FRAS1: variants seen among roughly 807,000 people sequenced by gnomAD.
The protein encoded by FRAS1 is extracellular matrix organizing protein FRAS1.
FRAS1 carries 290 observed loss-of-function variants against 435.2 expected under a neutral mutation model. The ratio of observed to expected loss-of-function variants is 0.67; its 90% confidence interval spans 0.61 to 0.73. The LOEUF (loss-of-function observed/expected upper bound fraction) is 0.73, where lower values mean the gene tolerates loss of function less well. Ranked by LOEUF, FRAS1 falls within the 30% of genes least tolerant of loss-of-function variation. FRAS1 has a pLI of 0.00. For synonymous variants in FRAS1, 1,800 were observed against 1,851.0 expected (o/e 0.97, Z 0.71); for missense variants, 4,860 against 5,001.5 (o/e 0.97, Z 0.85).
intron 70 of FRAS1, among the ~76,000 whole-genome samples, chr4:78,533,997 A>G (rs1238690534): frequency 6.6e-6 from 1 of 152,182 alleles, no homozygotes. Context: ...CTGGGGAGGT[A>G]GGCACACAGA....
intron 56 of FRAS1, 99 bp from the exon 57 acceptor site, chr4:78,481,705 A>G: frequency 7.4e-7 from 1 of 1,344,820 alleles, no homozygotes; most frequent in South Asian, 1.2e-5. Context: ...AAGGGCTAAA[A>G]GCTGCCACTA....
intron 2 of FRAS1, among the ~76,000 whole-genome samples, chr4:78,101,197 G>T (rs2109918930): frequency 6.6e-6 from 1 of 151,904 alleles, no homozygotes; most frequent in Non-Finnish European, 1.5e-5. Context: ...CAACAAGTGT[G>T]ATTCTGTATT....
intron 55 of FRAS1, 32 bp from the exon 56 acceptor site, chr4:78,479,342 A>G (rs374373761): frequency 2.8e-6 from 4 of 1,409,774 alleles, no homozygotes; most frequent in Non-Finnish European, 2.8e-6. Flanking sequence ...CACTCATTCA[A>G]ATGCTTTGGT....
intron 24 of FRAS1, among the ~76,000 whole-genome samples, chr4:78,373,221 T>C (rs1731583847): frequency 6.6e-6 from 1 of 152,038 alleles, no homozygotes; most frequent in Non-Finnish European, 1.5e-5. Context: ...ATTATTTCAC[T>C]ATCTGCCCCC....
chr4:78,144,645 A>G (rs972134705), intron 2 of FRAS1, among the ~76,000 whole-genome samples: 2 of 152,132 alleles, frequency 1.3e-5, no homozygotes, highest in Non-Finnish European at 2.9e-5. Context: ...CCAGATAACA[A>G]TTGTTATTGT....
intron 2 of FRAS1, among the ~76,000 whole-genome samples, chr4:78,124,024 G>A (rs935263575): frequency 1.3e-5 from 2 of 152,130 alleles, no homozygotes; most frequent in African/African-American, 2.4e-5. Flanking sequence ...TTGGATAGGC[G>A]TGAGACAGGG....
chr4:78,395,699 G>T (rs1447765494), intron 29 of FRAS1, among the ~76,000 whole-genome samples: 1 of 151,764 alleles, frequency 6.6e-6, no homozygotes, highest in African/African-American at 2.4e-5. Context: ...GTTTTTATTT[G>T]CATGGTATAT....
chr4:78,425,656 C>T (rs973974178), intron 35 of FRAS1, among the ~76,000 whole-genome samples: 4 of 152,140 alleles, frequency 2.6e-5, no homozygotes, highest in African/African-American at 9.7e-5. Context: ...GATATGAACC[C>T]AGTATCAGCT....
chr4:78,161,757 AAAAAAAAAAAAAAAAG>A lies in FRAS1; in HGVS notation c.109-75748_109-75733del, dbSNP rs1416219857. On this transcript the variant is annotated intron_variant, in intron 2 of 73. Coordinates refer to ENST00000512123, the MANE Select transcript of FRAS1 (RefSeq NM_025074.7). ...AACTCTGTCTCAAAAAAAAAAAAAAAAAAAAAAAAAAAAAAGAAAAGAAAAGAAAAGAAAGTGCTCT... is the reference window on the plus strand; with the variant it reads ...AACTCTGTCTCAAAAAAAAAAAAAAAAAAAGAAAAGAAAAGAAAGTGCTCT... Among the ~76,000 whole-genome samples the A allele has an allele frequency of 1.8e-3, 271 of 147,802 alleles. 2 individuals are homozygous for A. The highest frequency in any genetic ancestry group is 6.2e-3 in the African/African-American group (250 of 40,238).
chr4:78,333,202 A>C, intron 18 of FRAS1, 70 bp from the exon 19 acceptor site: 82 of 1,496,646 alleles, frequency 5.5e-5, no homozygotes, highest in Non-Finnish European at 6.4e-5. Context: ...TGTTAATGGG[A>C]GAGATAGAGT....
chr4:78,280,695 C>A lies in FRAS1; in HGVS notation c.1072-703C>A, dbSNP rs559247781. ...AACAGTGCAGACTCTAGGTTCAAAT[C>A]TCTACTTTGCTGTGTACTGTAATCT... On this transcript the variant is annotated intron_variant, in intron 10 of 73. Transcript: ENST00000512123. 7.8e-4 allele frequency among the ~76,000 whole-genome samples: 118 copies of A among 151,468 alleles called. 1 individual carries two copies. Among genetic ancestry groups the A allele is most frequent in the African/African-American group, 2.7e-3 (111 of 41,320 alleles).
chr4:78,407,012 A>G (rs1163378126), intron 30 of FRAS1, among the ~76,000 whole-genome samples: 1 of 152,260 alleles, frequency 6.6e-6, no homozygotes, highest in Admixed American at 6.5e-5. Context: ...TAAACATTAT[A>G]TAAAATTACC....
intron 2 of FRAS1, among the ~76,000 whole-genome samples, chr4:78,155,499 G>C (rs1720847045): frequency 6.6e-6 from 1 of 152,170 alleles, no homozygotes; most frequent in East Asian, 1.9e-4. Context: ...CAGCTAGAAA[G>C]CAAAGTTATT....
intron 19 of FRAS1, among the ~76,000 whole-genome samples, chr4:78,335,027 C>T (rs34193629): frequency 0.096 from 14,558 of 152,016 alleles, 2,077 homozygotes; most frequent in African/African-American, 0.31. Flanking sequence ...TCCCAAATCG[C>T]GGGATTACAG....
Position 78,475,605 on chromosome 4 carries a change from A to AG in FRAS1, c.7851+1dup. On this transcript the variant is annotated frameshift_variant and splice_region_variant, in exon 54 of 74. Transcript: ENST00000512123. LOFTEE classifies it high-confidence loss of function. ...CAGGACTATGTAGAGTATGCTGGCCAGGTAGGTGGGGTAGTGGGGTTGGGG... is the reference window on the plus strand; with the variant it reads ...CAGGACTATGTAGAGTATGCTGGCCAGGGTAGGTGGGGTAGTGGGGTTGGGG... 6.4e-7 allele frequency: 1 copy of AG among 1,561,554 alleles called. No individual in the cohort carries two copies. Among genetic ancestry groups the AG allele is most frequent in the Non-Finnish European group, 8.7e-7 (1 of 1,146,784 alleles).
chr4:78,080,478 T>C (rs779841535), intron 2 of FRAS1, among the ~76,000 whole-genome samples: 9 of 152,204 alleles, frequency 5.9e-5, no homozygotes, highest in Non-Finnish European at 1.0e-4. Context: ...AAGAAGTCGA[T>C]TAAAGTATCA....
intron 44 of FRAS1, among the ~76,000 whole-genome samples, chr4:78,449,799 T>C (rs1718967204): frequency 6.6e-6 from 1 of 152,172 alleles, no homozygotes; most frequent in Non-Finnish European, 1.5e-5. Context: ...TCCAAGCAGG[T>C]TTCATCATAG....
At chr4:78,539,269 G>A in intron 72 of FRAS1, 25 bp from the exon 73 acceptor site, 1 of 1,597,078 alleles carries the variant, frequency 6.3e-7, no homozygotes, top group African/African-American at 1.4e-5. Flanking sequence ...TCTAAATCTT[G>A]CATTTCTTTT....
chr4:78,171,288 C>T (rs1460660967), intron 2 of FRAS1, among the ~76,000 whole-genome samples: 2 of 152,110 alleles, frequency 1.3e-5, no homozygotes, highest in Non-Finnish European at 2.9e-5. Flanking sequence ...CAGTAATTTG[C>T]CCAAGGCCAC....
Sources: allele counts gnomAD v4.1 joint callset (sites outside exome capture counted in the v4.1 genomes callset), GRCh38; gene constraint gnomAD v4.1.1; transcripts MANE v1.5; gene names NCBI Gene and HGNC (gene_info 2026-07-23, HGNC 2026-07-21).